The following TMEM268 variants were observed in gnomAD, a reference collection of about 807,000 sequenced individuals.
TMEM268 encodes transmembrane protein 268, also known as transmembrane protein C9orf91.
In TMEM268, 24 loss-of-function variants were observed where a neutral mutation model predicts 39.1. The observed-to-expected ratio is 0.61, with a 90% CI of 0.44 to 0.86. The LOEUF (loss-of-function observed/expected upper bound fraction) is 0.86, where lower values mean the gene tolerates loss of function less well. TMEM268 is among the 40% of genes least tolerant of loss of function. The pLI is 0.00. For synonymous variants in TMEM268, 176 were observed against 173.5 expected (o/e 1.01, Z -0.12); for missense variants, 409 against 428.6 (o/e 0.95, Z 0.40).
chr9:114,613,297 C>T (rs1845576723), intron 1 of TMEM268, among the ~76,000 whole-genome samples: 1 of 152,206 alleles, frequency 6.6e-6, no homozygotes. Flanking sequence ...CAAATGGAAC[C>T]TTCCACGCAG....
rs770003468 is a variant in TMEM268, at chr9:114,617,302, G to T, written c.106+1G>T. 6.2e-7 allele frequency: 1 copy of T among 1,607,446 alleles called. No homozygotes were observed. The highest frequency in any genetic ancestry group is 1.7e-5 in the Admixed American group (1 of 59,820). On this transcript the variant is annotated splice_donor_variant, in intron 2 of 8. Transcript: ENST00000288502. LOFTEE classifies it high-confidence loss of function. ...GGGAGCCCTCCTGGCTGGGGGCAAGGTAAGATCATGACCTTTCATTTTCCA... is the reference window on the plus strand; with the variant it reads ...GGGAGCCCTCCTGGCTGGGGGCAAGTTAAGATCATGACCTTTCATTTTCCA...
intron 2 of TMEM268, among the ~76,000 whole-genome samples, chr9:114,620,576 A>G (rs1391281749): frequency 6.6e-6 from 1 of 152,072 alleles, no homozygotes; most frequent in African/African-American, 2.4e-5. Context: ...TTTTATTTTT[A>G]TGAAATAAAA....
chr9:114,637,191 A>C (rs1212758504), intron 7 of TMEM268, 121 bp downstream of exon 7: 2 of 599,770 alleles, frequency 3.3e-6, no homozygotes, highest in Non-Finnish European at 6.0e-6. Flanking sequence ...CCTACGAGCA[A>C]TCAGTGGTTG....
chr9:114,636,903 C>A, intron 6 of TMEM268, 87 bp from the exon 7 acceptor site: 2 of 787,454 alleles, frequency 2.5e-6, no homozygotes, highest in Admixed American at 2.1e-5. Context: ...TGCCAGACAG[C>A]AGGCTAAATA....
At chr9:114,634,394 G>A (rs368506740) in intron 6 of TMEM268, among the ~76,000 whole-genome samples, 111 of 152,344 alleles carry the variant, frequency 7.3e-4, no homozygotes, top group African/African-American at 2.6e-3. Flanking sequence ...GTGACACAGC[G>A]GGGAGAGATG....
intron 6 of TMEM268, among the ~76,000 whole-genome samples, chr9:114,635,536 G>A (rs897084523): frequency 4.6e-5 from 7 of 151,780 alleles, no homozygotes; most frequent in African/African-American, 1.7e-4. Context: ...AAAACTAGCT[G>A]GGCATGGTGT....
chr9:114,615,702 T>C (rs141459776), intron 1 of TMEM268: 1 of 152,416 alleles, frequency 6.6e-6, no homozygotes, highest in Non-Finnish European at 1.5e-5. Context: ...GCTACTTTTT[T>C]CTTTTTTTTG....
Position 114,628,226 on chromosome 9 carries a change from G to C in TMEM268, c.450G>C (p.Leu150=), listed in dbSNP as rs750515493. 1.5e-5 allele frequency: 25 copies of C among 1,614,074 alleles called. No individual in the cohort carries two copies. Among genetic ancestry groups the C allele is most frequent in the Non-Finnish European group, 1.9e-5 (23 of 1,180,000 alleles). The change falls in exon 5 of 9, where the codon CTG becomes CTC. Residue 150 remains leucine, a synonymous_variant. Transcript: ENST00000288502. The part of the protein sequence containing the change: ...AAVSLTLTLV[L]VFERHQKKAN... Reference sequence around the variant, plus strand: ...TGAGCCTGACCTTGACTCTTGTGCTGGTCTTTGAAAGACACCAGAAGAAGG... The same window carrying C: ...TGAGCCTGACCTTGACTCTTGTGCTCGTCTTTGAAAGACACCAGAAGAAGG...
At chr9:114,625,278 G>A (rs1846109996) in intron 3 of TMEM268, among the ~76,000 whole-genome samples, 1 of 152,074 alleles carries the variant, frequency 6.6e-6, no homozygotes. Flanking sequence ...AGCTATTATT[G>A]TTATGAAGTA....
At chr9:114,609,850 A>AAGAAAG (rs912522734), upstream of TMEM268, among the ~76,000 whole-genome samples, 4 of 110,736 alleles carry the variant, frequency 3.6e-5, no homozygotes, top group South Asian at 2.9e-4. Context: ...GAAAGAAAGA[A>AAGAAAG]AGAAAGAGAA....
chr9:114,624,594 A>G (rs561097918), intron 3 of TMEM268, 135 bp downstream of exon 3: 4 of 1,356,930 alleles, frequency 2.9e-6, no homozygotes, highest in Admixed American at 5.8e-5. Context: ...AGGAAGGTAT[A>G]TTAGAAGTGC....
At chr9:114,620,891 A>G (rs1260877729) in intron 2 of TMEM268, among the ~76,000 whole-genome samples, 1 of 151,382 alleles carries the variant, frequency 6.6e-6, no homozygotes, top group East Asian at 1.9e-4. Flanking sequence ...TGTTTTCACC[A>G]CTCACCACCT....
upstream of TMEM268, among the ~76,000 whole-genome samples, chr9:114,608,230 A>T (rs1845392114): frequency 6.6e-6 from 1 of 152,210 alleles, no homozygotes; most frequent in African/African-American, 2.4e-5. Flanking sequence ...AATGCACCAC[A>T]CTTTTACTGA....
chr9:114,611,418 G>T lies in TMEM268; in HGVS notation c.-225G>T, dbSNP rs1400526345. ...CCGAGCGGGGCCGGCCGGGCGGGGG[G>T]CGGGCCCGTGAAGGCGGCGCAGCGC... On this transcript the variant is annotated 5_prime_UTR_variant, in exon 1 of 9. Transcript: ENST00000288502. 6.6e-6 allele frequency: 1 copy of T among 151,608 alleles called. No homozygotes were observed. Among genetic ancestry groups the T allele is most frequent in the Non-Finnish European group, 1.5e-5 (1 of 67,760 alleles). The allele number at this position is 151,608 out of a possible 1,614,324, so 9.4% of individuals were successfully genotyped here. A position where few individuals can be genotyped will look rare whatever the true frequency, so the allele number is the denominator to read the frequency against.
chr9:114,628,710 G>C (rs771704618), intron 5 of TMEM268, among the ~76,000 whole-genome samples: 9 of 152,132 alleles, frequency 5.9e-5, no homozygotes, highest in Non-Finnish European at 1.0e-4. Flanking sequence ...TGACAGTCAT[G>C]TCTCTAATCC....
In TMEM268 at chr9:114,628,131, T is replaced by C. The variant is rs1267151103; in HGVS notation, c.355T>C (p.Tyr119His). 1 of 1,614,194 alleles carries C rather than the reference T, an allele frequency of 6.2e-7. No individual in the cohort carries two copies. Among genetic ancestry groups the C allele is most frequent in the Non-Finnish European group, 8.5e-7 (1 of 1,180,030 alleles). ...VFYVVVWANI[Y>H]STSQMFALGN... ...CTATGTGGTGGTGTGGGCCAATATC[T>C]ACTCTACCAGTCAGATGTTTGCCTT... The change falls in exon 5 of 9, where the codon TAC (tyrosine) becomes CAC (histidine). Residue 119 changes from tyrosine to histidine, a missense_variant. Coordinates refer to ENST00000288502, the MANE Select transcript of TMEM268 (RefSeq NM_153045.4).
intron 1 of TMEM268, 50 bp downstream of exon 1, chr9:114,611,614 TGGTGCTGTGGGGCTCCGGGGCCG>T (rs1845494025): frequency 6.6e-6 from 1 of 152,342 alleles, no homozygotes; most frequent in South Asian, 1.8e-4. Flanking sequence ...GATCCGGGCT[TGGTGCTGTGGGGCTCCGGGGCCG>T]GGAAGCAGCC....
intron 3 of TMEM268, among the ~76,000 whole-genome samples, chr9:114,625,776 AT>A (rs1440274645): frequency 6.6e-6 from 1 of 150,962 alleles, no homozygotes; most frequent in Non-Finnish European, 1.5e-5. Flanking sequence ...CAGTTTACGT[AT>A]TGTTCTACCG....
intron 1 of TMEM268, among the ~76,000 whole-genome samples, chr9:114,616,265 T>C (rs1313740315): frequency 2.0e-5 from 3 of 152,126 alleles, no homozygotes; most frequent in African/African-American, 7.2e-5. Flanking sequence ...TGTGCCAGCC[T>C]CGGCCTCCCA....
Sources: gnomAD v4.1 joint callset for allele counts (sites outside exome capture counted in the v4.1 genomes callset) on GRCh38, gnomAD v4.1.1 for gene constraint, MANE v1.5 for transcripts, NCBI Gene and HGNC (gene_info 2026-07-23, HGNC 2026-07-21) for gene names.